Variants in ERMP1 observed in about 807,000 individuals in gnomAD.
The protein encoded by ERMP1 is Felix-ina.
In ERMP1, 86 loss-of-function variants were observed where a neutral mutation model predicts 92.0. That is an observed-to-expected ratio of 0.93 (90% CI 0.79 to 1.12). The LOEUF is 1.12. ERMP1 is among the 50% of genes most tolerant of loss of function. The pLI is 0.00. For synonymous variants in ERMP1, 530 were observed against 412.8 expected (o/e 1.28, Z -3.44); for missense variants, 1,342 against 1,116.3 (o/e 1.20, Z -2.88).
chr9:5,859,747 G>C (rs1586845310), intron 5 of ERMP1, among the ~76,000 whole-genome samples: 1 of 152,244 alleles, frequency 6.6e-6, no homozygotes, highest in African/African-American at 2.4e-5. Context: ...TTACAAGTAA[G>C]GCCTGGCACA....
At chr9:5,817,491 G>A (rs1829363491) in intron 4 of ERMP1, among the ~76,000 whole-genome samples, 1 of 152,224 alleles carries the variant, frequency 6.6e-6, no homozygotes, top group Non-Finnish European at 1.5e-5. Context: ...CACCCGGCCA[G>A]AGCCTATGCT....
chr9:5,824,723 GA>G (rs1373886765), intron 3 of ERMP1, among the ~76,000 whole-genome samples: 1 of 151,622 alleles, frequency 6.6e-6, no homozygotes, highest in Non-Finnish European at 1.5e-5. Context: ...TAAAAAGAAA[GA>G]AAAAAAAGAG....
chr9:5,789,667 C>G (rs1649756672), intron 13 of ERMP1, among the ~76,000 whole-genome samples: 1 of 152,076 alleles, frequency 6.6e-6, no homozygotes, highest in South Asian at 2.1e-4. Context: ...CAGCCCACTG[C>G]TCTGTCACCT....
At chr9:5,812,850 T>C in intron 5 of ERMP1, 39 bp downstream of exon 5, 1 of 1,612,674 alleles carries the variant, frequency 6.2e-7, no homozygotes, top group Non-Finnish European at 8.5e-7. Context: ...TTTTGATAAA[T>C]AAATGCTGCA....
intron 5 of ERMP1, among the ~76,000 whole-genome samples, chr9:5,864,284 A>G (rs1830586421): frequency 6.6e-6 from 1 of 152,118 alleles, no homozygotes; most frequent in Non-Finnish European, 1.5e-5. Flanking sequence ...TAGTCTCCCT[A>G]TCAGTGCAAG....
intron 6 of ERMP1, among the ~76,000 whole-genome samples, chr9:5,852,351 C>T (rs908749555): frequency 9.9e-5 from 15 of 151,770 alleles, no homozygotes; most frequent in African/African-American, 3.6e-4. Context: ...CAGCCTTGAC[C>T]TTCCCACGCT....
intron 6 of ERMP1, among the ~76,000 whole-genome samples, chr9:5,839,536 G>A (rs1019238862): frequency 2.6e-5 from 4 of 152,154 alleles, no homozygotes; most frequent in African/African-American, 7.2e-5. Flanking sequence ...GCTGAAACTC[G>A]ATTGTTTTAG....
upstream of ERMP1, among the ~76,000 whole-genome samples, chr9:5,834,243 T>C (rs938099753): frequency 6.6e-6 from 1 of 152,204 alleles, no homozygotes; most frequent in Non-Finnish European, 1.5e-5. Context: ...TGTTCTTCTC[T>C]CTCCTCATTG....
chr9:5,823,779 T>A, intron 4 of ERMP1, 117 bp downstream of exon 4: 1 of 744,956 alleles, frequency 1.3e-6, no homozygotes, highest in Non-Finnish European at 2.2e-6. Context: ...CCTCATGCTT[T>A]AAAAAGAATG....
intron 13 of ERMP1, among the ~76,000 whole-genome samples, chr9:5,795,563 A>C (rs1020882309): frequency 6.6e-6 from 1 of 152,188 alleles, no homozygotes; most frequent in Non-Finnish European, 1.5e-5. Context: ...GCGGATCACA[A>C]GGTCAGGAGT....
At chr9:5,841,747 C>T (rs756253626) in intron 6 of ERMP1, among the ~76,000 whole-genome samples, 4 of 152,168 alleles carry the variant, frequency 2.6e-5, no homozygotes, top group Admixed American at 6.5e-5. Context: ...GCCAAGATTG[C>T]GCCAATGTGT....
chr9:5,848,504 T>C (rs1830266311), intron 6 of ERMP1, among the ~76,000 whole-genome samples: 1 of 152,200 alleles, frequency 6.6e-6, no homozygotes, highest in Admixed American at 6.5e-5. Context: ...AGAGCAGCCA[T>C]AGGAAGCTAA....
intron 1 of ERMP1, 59 bp from the exon 2 acceptor site, chr9:5,831,087 T>A: frequency 7.0e-7 from 1 of 1,426,078 alleles, no homozygotes; most frequent in Non-Finnish European, 9.7e-7. Flanking sequence ...TTAGCGTGGG[T>A]AACTTTTCCA....
intron 6 of ERMP1, among the ~76,000 whole-genome samples, chr9:5,848,434 C>T (rs1236718341): frequency 6.6e-6 from 1 of 152,144 alleles, no homozygotes; most frequent in East Asian, 1.9e-4. Context: ...TTCCAAACTC[C>T]AGAACTGTCA....
chr9:5,811,250 A>C lies in ERMP1; in HGVS notation c.1188T>G (p.His396Gln). ...GCACATCAAAGAAGACCATGTTTCC[A>C]TGTCGATACTTAGAAGCAGCAGCCA... ...DMLAAASKYR[H>Q]GNMVFFDVLG... The change falls in exon 7 of 15, where the codon CAT becomes CAG. Residue 396 changes from histidine (H) to glutamine (Q), a missense_variant. Transcript: ENST00000339450. 1 of 1,614,042 alleles carries C rather than the reference A, an allele frequency of 6.2e-7. No homozygotes were observed. The highest frequency in any genetic ancestry group is 8.5e-7 in the Non-Finnish European group (1 of 1,179,970).
In ERMP1 at chr9:5,850,405, CAAAAAAAAAAA is replaced by C. The variant is rs59464514; in HGVS notation, n.3199+9052_3199+9062del. Among the ~76,000 whole-genome samples the C allele has an allele frequency of 2.2e-3, 91 of 40,598 alleles. 2 individuals are homozygous for C. The highest frequency in any genetic ancestry group is 2.7e-3 in the Admixed American group (6 of 2,252). The allele number at this position is 40,598 out of a possible 152,430, so 26.6% of individuals were successfully genotyped here. A position where few individuals can be genotyped will look rare whatever the true frequency, so the allele number is the denominator to read the frequency against. On this transcript the variant is annotated intron_variant and non_coding_transcript_variant, in intron 6 of 6. Transcript: ENST00000690753. ...GGGCGACGAGAATGAAACTCCGTCTCAAAAAAAAAAAAAAAAAAAAAAAAGAAGAAGAAGAA... is the reference window on the plus strand; with the variant it reads ...GGGCGACGAGAATGAAACTCCGTCTCAAAAAAAAAAAAAGAAGAAGAAGAA...
intron 6 of ERMP1, among the ~76,000 whole-genome samples, chr9:5,852,964 A>G (rs1431970060): frequency 6.6e-6 from 1 of 152,212 alleles, no homozygotes; most frequent in Non-Finnish European, 1.5e-5. Flanking sequence ...TCTTAGGTTC[A>G]GTGTCTGGGG....
At chr9:5,853,171 G>T (rs1207974652) in intron 6 of ERMP1, among the ~76,000 whole-genome samples, 6 of 152,188 alleles carry the variant, frequency 3.9e-5, no homozygotes, top group African/African-American at 1.4e-4. Context: ...CCAGTTTTCT[G>T]TCTCTAGTGA....
intron 8 of ERMP1, among the ~76,000 whole-genome samples, chr9:5,807,525 C>G (rs1563756265): frequency 1.3e-5 from 2 of 152,124 alleles, no homozygotes; most frequent in Non-Finnish European, 2.9e-5. Flanking sequence ...GTGGGAGGAT[C>G]ACTTGAGGTC....
Sources: gnomAD v4.1 joint callset for allele counts (sites outside exome capture counted in the v4.1 genomes callset) on GRCh38, gnomAD v4.1.1 for gene constraint, MANE v1.5 for transcripts, NCBI Gene and HGNC (gene_info 2026-07-23, HGNC 2026-07-21) for gene names.